ETHE1: variants seen among roughly 807,000 people sequenced by gnomAD.
ETHE1 encodes the protein persulfide dioxygenase ETHE1, mitochondrial.
In ETHE1, 16 loss-of-function variants were observed where a neutral mutation model predicts 25.7. The ratio of observed to expected loss-of-function variants is 0.62; its 90% CI spans 0.42 to 0.95. ETHE1 has a LOEUF of 0.95. Among genes scored for constraint, ETHE1 ranks in the 40% least tolerant of loss-of-function variants. The pLI is 0.00. For missense variants in ETHE1, 300 were observed against 333.6 expected, an observed-to-expected ratio of 0.90 and a Z score of 0.79; for synonymous variants, 139 against 135.9, an observed-to-expected ratio of 1.02 and a Z score of -0.16.
chr19:43,509,591 C>T (rs1023722393), intron 4 of ETHE1, among the ~76,000 whole-genome samples: 5 of 151,714 alleles, frequency 3.3e-5, no homozygotes, highest in East Asian at 3.9e-4. Context: ...GTCAGGAGAT[C>T]GAGACCATCC....
chr19:43,521,902 C>A (rs867768200), intron 3 of ETHE1, among the ~76,000 whole-genome samples: 2 of 152,182 alleles, frequency 1.3e-5, no homozygotes, highest in South Asian at 4.2e-4. Context: ...TAGCCAAAAA[C>A]TGAATAATCA....
chr19:43,512,220 A>C (rs1971932603), intron 3 of ETHE1, among the ~76,000 whole-genome samples: 1 of 152,218 alleles, frequency 6.6e-6, no homozygotes, highest in Non-Finnish European at 1.5e-5. Context: ...GGGTGCTGCT[A>C]TAAGGAGATG....
intron 3 of ETHE1, 27 bp from the exon 4 acceptor site, chr19:43,511,593 T>TAGTC (rs762791773): frequency 6.2e-7 from 1 of 1,608,914 alleles, no homozygotes; most frequent in African/African-American, 1.3e-5. Context: ...AGTACAGAGA[T>TAGTC]AGTCACCAAG....
chr19:43,510,688 A>G (rs1377689634), intron 4 of ETHE1, among the ~76,000 whole-genome samples: 3 of 148,842 alleles, frequency 2.0e-5, no homozygotes, highest in African/African-American at 7.4e-5. Context: ...GAGTCTCACT[A>G]TGTTGCCCAA....
intron 3 of ETHE1, among the ~76,000 whole-genome samples, chr19:43,519,319 G>A (rs777367240): frequency 1.3e-5 from 2 of 151,984 alleles, no homozygotes; most frequent in Non-Finnish European, 2.9e-5. Context: ...GCCTGTGCTT[G>A]TGTATTGTTA....
At chr19:43,514,505 T>TTTTTTA (rs1971982471) in intron 3 of ETHE1, among the ~76,000 whole-genome samples, 2 of 147,650 alleles carry the variant, frequency 1.4e-5, no homozygotes, top group African/African-American at 2.5e-5. Context: ...TTTTTTTTTT[T>TTTTTTA]GAGACAGTCT....
At chr19:43,507,896 C>T in intron 6 of ETHE1, 48 bp downstream of exon 6, 1 of 1,595,086 alleles carries the variant, frequency 6.3e-7, no homozygotes, top group Non-Finnish European at 8.6e-7. Flanking sequence ...TCCAAGACCC[C>T]AGCCCCTCCT....
At chr19:43,514,337 T>G (rs1971978847) in intron 3 of ETHE1, among the ~76,000 whole-genome samples, 1 of 152,136 alleles carries the variant, frequency 6.6e-6, no homozygotes, top group Admixed American at 6.6e-5. Context: ...GCAGTTCCCC[T>G]GCACACACTT....
intron 4 of ETHE1, among the ~76,000 whole-genome samples, chr19:43,509,299 C>G (rs1238377524): frequency 6.6e-6 from 1 of 150,412 alleles, no homozygotes; most frequent in Non-Finnish European, 1.5e-5. Context: ...GAGTTCGAGA[C>G]CAGCCTGGCC....
At chr19:43,526,927 G>A (rs1451488295) in intron 1 of ETHE1, 170 bp downstream of exon 1, 3 of 1,495,130 alleles carry the variant, frequency 2.0e-6, no homozygotes, top group African/African-American at 2.8e-5. Flanking sequence ...GAGGCCCCCA[G>A]ACCACTCACC....
chr19:43,515,928 G>A (rs765633018), intron 3 of ETHE1, among the ~76,000 whole-genome samples: 3 of 151,938 alleles, frequency 2.0e-5, no homozygotes, highest in South Asian at 2.1e-4. Context: ...AGTGATTAAC[G>A]AATGGGTAAC....
Position 43,526,320 on chromosome 19 carries a change from T to C in ETHE1, c.256A>G (p.Thr86Ala). ...VNTHCHADHITGSGLLRSLLP... is the reference protein window; with the variant it reads ...VNTHCHADHIAGSGLLRSLLP... ...AGGGAACGGAGCAGCCCCGAGCCTG[T>C]AATGTGGTCCGCGTGGCAGTGGGTA... Residue 86 changes from threonine to alanine, a missense_variant, in exon 3 of 7, where the codon ACA (threonine) becomes GCA (alanine). Physicochemically the swap from Thr to Ala is moderately conservative, Grantham distance 58. Transcript: ENST00000292147. 3.7e-6 allele frequency: 6 copies of C among 1,614,006 alleles called. No homozygotes were observed. The highest frequency in any genetic ancestry group is 5.1e-6 in the Non-Finnish European group (6 of 1,179,992).
intron 3 of ETHE1, among the ~76,000 whole-genome samples, chr19:43,522,965 C>T (rs1409616470): frequency 6.6e-6 from 1 of 152,136 alleles, no homozygotes; most frequent in African/African-American, 2.4e-5. Flanking sequence ...CCAACTGCTG[C>T]TCTATAGCAA....
At chr19:43,516,578 G>A (rs141001337) in intron 3 of ETHE1, among the ~76,000 whole-genome samples, 3 of 150,356 alleles carry the variant, frequency 2.0e-5, no homozygotes, top group Non-Finnish European at 3.0e-5. Flanking sequence ...GGGATTACAG[G>A]TGTGAGTCAG....
chr19:43,518,013 CA>C (rs34782895), intron 3 of ETHE1, among the ~76,000 whole-genome samples: 25,525 of 139,764 alleles, frequency 0.18, 2,289 homozygotes, highest in Non-Finnish European at 0.2. Context: ...GAGACTGTCT[CA>C]AAAAAAAAAG....
At position 43,526,678 on chromosome 19, in the gene ETHE1, G is replaced by C. The variant is rs200988654; in HGVS notation, c.82-19C>G. ...CGAACATCTGGGAACGGGGGACCCAGGTGAGGGCGCAGAACCGGACTTCCA... is the reference window on the plus strand; with the variant it reads ...CGAACATCTGGGAACGGGGGACCCACGTGAGGGCGCAGAACCGGACTTCCA... On this transcript the variant is annotated intron_variant, in intron 1 of 6. Transcript: ENST00000292147. 1 of 1,612,798 alleles carries C rather than the reference G, an allele frequency of 6.2e-7. No homozygotes were observed. Among genetic ancestry groups the C allele is most frequent in the East Asian group, 2.2e-5 (1 of 44,882 alleles).
intron 3 of ETHE1, among the ~76,000 whole-genome samples, chr19:43,516,086 C>T (rs1972013751): frequency 6.6e-6 from 1 of 152,296 alleles, no homozygotes; most frequent in South Asian, 2.1e-4. Context: ...TGAATATCTT[C>T]ACGCTATGGT....
In ETHE1 at chr19:43,527,121, A is replaced by T; in HGVS notation, c.57T>A (p.Ser19=). The part of the protein sequence containing the change: ...ARRQLSQRGG[S]GAPILLRQMF... ...CCTGCCGCAGGAGGATGGGGGCTCC[A>T]GACCCGCCGCGCTGGCTCAGCTGCC... The change falls in exon 1 of 7, where the codon TCT becomes TCA. Residue 19 remains serine (S), a synonymous_variant. Transcript: ENST00000292147. The T allele has an allele frequency of 1.3e-6, 2 of 1,555,688 alleles. No homozygotes were observed. The highest frequency in any genetic ancestry group is 1.7e-6 in the Non-Finnish European group (2 of 1,153,666).
chr19:43,516,385 C>T (rs888955429), intron 3 of ETHE1, among the ~76,000 whole-genome samples: 18 of 151,138 alleles, frequency 1.2e-4, no homozygotes, highest in African/African-American at 4.4e-4. Flanking sequence ...CTGCAACCTC[C>T]GCCTCCCGGG....
Sources: allele counts gnomAD v4.1 joint callset (sites outside exome capture counted in the v4.1 genomes callset), GRCh38; gene constraint gnomAD v4.1.1; transcripts MANE v1.5; gene names NCBI Gene and HGNC (gene_info 2026-07-23, HGNC 2026-07-21).